Variants in LRRC20 observed in about 807,000 individuals in gnomAD.
The protein encoded by LRRC20 is leucine rich repeat containing 20, also known as leucine-rich repeat-containing protein 20.
LRRC20 carries 11 observed loss-of-function variants against 14.4 expected under a neutral mutation model. That is an observed-to-expected ratio of 0.77 (90% CI 0.48 to 1.27). LRRC20 has a LOEUF of 1.27. Among genes scored for constraint, LRRC20 ranks in the 50% most tolerant of loss-of-function variants. The pLI, the probability that LRRC20 is intolerant of heterozygous loss-of-function variation, is 0.00. For missense variants in LRRC20, 219 were observed against 251.2 expected, an observed-to-expected ratio of 0.87 and a Z score of 0.87; for synonymous variants, 121 against 107.3, an observed-to-expected ratio of 1.13 and a Z score of -0.79.
chr10:70,353,009 G>A (rs1487241820), intron 2 of LRRC20, among the ~76,000 whole-genome samples: 1 of 152,226 alleles, frequency 6.6e-6, no homozygotes, highest in Admixed American at 6.5e-5. Flanking sequence ...GGCTGCTCCC[G>A]TGAGAGGAGC....
chr10:70,360,609 C>T (rs1260134794), intron 2 of LRRC20, among the ~76,000 whole-genome samples: 2 of 152,006 alleles, frequency 1.3e-5, no homozygotes, highest in African/African-American at 2.4e-5. Context: ...GTTAATTTTT[C>T]TTTTAGTTTT....
chr10:70,340,694 C>T lies in LRRC20; in HGVS notation c.91G>A (p.Glu31Lys), dbSNP rs374147810. ...ESGSDTLDLA[E>K]CKLVSFPIGI... ...ATGGGAAAGGAGACCAGCTTGCACT[C>T]GGCCAGGTCTGCAGCCAAAGAACAA... is the stretch of plus-strand genomic sequence containing the variant. The change falls in exon 3 of 5, where the codon GAG becomes AAG. Residue 31 changes from glutamate (E) to lysine (K), a missense_variant. Physicochemically the swap from Glu to Lys is moderately conservative, Grantham distance 56. Coordinates refer to ENST00000446961, the MANE Select transcript of LRRC20 (RefSeq NM_001278212.2). 1.7e-5 allele frequency: 28 copies of T among 1,614,186 alleles called. No individual in the cohort carries two copies. In the East Asian group the frequency reaches 3.6e-4, roughly 21 times the overall value.
chr10:70,323,263 A>G (rs984878592), intron 4 of LRRC20, among the ~76,000 whole-genome samples: 1 of 152,062 alleles, frequency 6.6e-6, no homozygotes, highest in African/African-American at 2.4e-5. Flanking sequence ...CAGGAGACAC[A>G]TAATCGCTGC....
At chr10:70,334,064 C>A (rs1221356272) in intron 3 of LRRC20, among the ~76,000 whole-genome samples, 1 of 151,832 alleles carries the variant, frequency 6.6e-6, no homozygotes, top group Non-Finnish European at 1.5e-5. Flanking sequence ...GCAGAAGAAT[C>A]GCTTGAACTG....
At chr10:70,308,300 A>G (rs891028526) in intron 4 of LRRC20, among the ~76,000 whole-genome samples, 2 of 152,086 alleles carry the variant, frequency 1.3e-5, no homozygotes, top group African/African-American at 4.8e-5. Context: ...AGTGGGAGGA[A>G]GTAATTTTGC....
At chr10:70,373,784 A>T (rs1468020081) in intron 2 of LRRC20, among the ~76,000 whole-genome samples, 1 of 152,122 alleles carries the variant, frequency 6.6e-6, no homozygotes, top group Non-Finnish European at 1.5e-5. Flanking sequence ...CATGGTGGAG[A>T]CAGGGCCCAG....
chr10:70,344,477 C>A (rs1564631247), intron 2 of LRRC20, among the ~76,000 whole-genome samples: 1 of 152,090 alleles, frequency 6.6e-6, no homozygotes, highest in East Asian at 1.9e-4. Flanking sequence ...TTCCTAACAA[C>A]AATATAAAAT....
intron 4 of LRRC20, among the ~76,000 whole-genome samples, chr10:70,304,077 T>C (rs1311365427): frequency 6.6e-6 from 1 of 152,152 alleles, no homozygotes; most frequent in Non-Finnish European, 1.5e-5. Context: ...TAACACTTGG[T>C]AACCTGTTAT....
Position 70,333,159 on chromosome 10 carries a change from C to T in LRRC20, c.232+7394G>A, listed in dbSNP as rs369711051. 1.8e-4 allele frequency among the ~76,000 whole-genome samples: 28 copies of T among 152,282 alleles called. No homozygotes were observed. In the South Asian group the frequency reaches 5.4e-3, roughly 29 times the overall value. On this transcript the variant is annotated intron_variant, in intron 3 of 4. Coordinates refer to ENST00000446961, the MANE Select transcript of LRRC20 (RefSeq NM_001278212.2). ...AGGGAAACTGCAGTCTTCTGCCTTA[C>T]AGGGTTGCAAGAAGTGTTAGCTTGG...
chr10:70,316,425 G>A (rs539254941), intron 4 of LRRC20, among the ~76,000 whole-genome samples: 2 of 152,332 alleles, frequency 1.3e-5, no homozygotes, highest in South Asian at 2.1e-4. Context: ...GAGCCACCGC[G>A]CCCGGCCCTT....
At chr10:70,304,913 G>T (rs904349664) in intron 4 of LRRC20, among the ~76,000 whole-genome samples, 3 of 152,106 alleles carry the variant, frequency 2.0e-5, no homozygotes, top group African/African-American at 7.2e-5. Flanking sequence ...TGCCAGCCAC[G>T]GTGGCTCACA....
At chr10:70,342,224 C>T (rs1034826499) in intron 2 of LRRC20, among the ~76,000 whole-genome samples, 7 of 151,906 alleles carry the variant, frequency 4.6e-5, no homozygotes, top group African/African-American at 9.7e-5. Flanking sequence ...TCATGAGAAT[C>T]GCTTCAACCT....
chr10:70,304,757 C>G (rs559607950), intron 4 of LRRC20, among the ~76,000 whole-genome samples: 1 of 152,080 alleles, frequency 6.6e-6, no homozygotes, highest in East Asian at 1.9e-4. Flanking sequence ...TTTGACTACT[C>G]TAGGTACCTC....
intron 4 of LRRC20, among the ~76,000 whole-genome samples, chr10:70,308,101 T>C (rs1841492846): frequency 6.6e-6 from 1 of 152,152 alleles, no homozygotes; most frequent in Admixed American, 6.5e-5. Flanking sequence ...AAAAGCACTA[T>C]GGCTCCCGGA....
chr10:70,363,531 TG>T (rs1305175868), intron 2 of LRRC20, among the ~76,000 whole-genome samples: 2 of 152,202 alleles, frequency 1.3e-5, no homozygotes, highest in Non-Finnish European at 2.9e-5. Flanking sequence ...TATGGAAGCC[TG>T]AATGAACTAA....
At chr10:70,364,336 C>T (rs1469051288) in intron 2 of LRRC20, among the ~76,000 whole-genome samples, 3 of 152,206 alleles carry the variant, frequency 2.0e-5, no homozygotes, top group East Asian at 1.9e-4. Flanking sequence ...TGTGCTAGAG[C>T]GATGTCTGCC....
chr10:70,350,320 T>C (rs77434946), intron 2 of LRRC20, among the ~76,000 whole-genome samples: 6,535 of 152,272 alleles, frequency 0.043, 492 homozygotes, highest in African/African-American at 0.15. Flanking sequence ...ACACAAGCTG[T>C]GATGATCCTC....
intron 2 of LRRC20, among the ~76,000 whole-genome samples, chr10:70,368,640 G>A (rs1844132485): frequency 1.3e-5 from 2 of 151,190 alleles, no homozygotes; most frequent in East Asian, 3.9e-4. Context: ...GCGGCAGGGG[G>A]GACTGAGTCT....
At chr10:70,336,682 T>A (rs530927902) in intron 3 of LRRC20, among the ~76,000 whole-genome samples, 1 of 152,364 alleles carries the variant, frequency 6.6e-6, no homozygotes, top group Admixed American at 6.5e-5. Flanking sequence ...TCTACCACTC[T>A]GCTGCCTGCC....
Sources: allele counts gnomAD v4.1 joint callset (sites outside exome capture counted in the v4.1 genomes callset), GRCh38; gene constraint gnomAD v4.1.1; transcripts MANE v1.5; gene names NCBI Gene and HGNC (gene_info 2026-07-23, HGNC 2026-07-21).